NRXN1: variants seen among roughly 807,000 people sequenced by gnomAD.
NRXN1 encodes neurexin-1.
NRXN1 carries 39 observed loss-of-function variants against 150.9 expected under a neutral mutation model. The observed-to-expected ratio is 0.26, with a 90% confidence interval of 0.20 to 0.34. The LOEUF is 0.34. NRXN1 is among the 10% of genes least tolerant of loss of function. The pLI, the probability that NRXN1 is intolerant of heterozygous loss-of-function variation, is 1.00. For missense variants in NRXN1, 1,815 were observed against 1,949.9 expected, an observed-to-expected ratio of 0.93 and a Z score of 1.30; for synonymous variants, 924 against 757.0, an observed-to-expected ratio of 1.22 and a Z score of -3.62.
At chr2:50,381,037 T>G (rs2080921011) in intron 17 of NRXN1, among the ~76,000 whole-genome samples, 1 of 152,126 alleles carries the variant, frequency 6.6e-6, no homozygotes, top group Non-Finnish European at 1.5e-5. Context: ...ACCCACTGGA[T>G]AGTGTGCTTT....
chr2:50,247,467 T>G (rs1456729547), intron 17 of NRXN1, among the ~76,000 whole-genome samples: 1 of 152,158 alleles, frequency 6.6e-6, no homozygotes, highest in African/African-American at 2.4e-5. Flanking sequence ...TAATGAGACA[T>G]ATCAAATTCA....
intron 8 of NRXN1, among the ~76,000 whole-genome samples, chr2:50,557,035 C>T (rs1015155703): frequency 4.6e-5 from 7 of 152,152 alleles, no homozygotes; most frequent in East Asian, 1.9e-4. Flanking sequence ...TCTCTACTTT[C>T]AGATACACTG....
chr2:49,953,400 C>T (rs140396232), intron 21 of NRXN1, among the ~76,000 whole-genome samples: 1 of 152,130 alleles, frequency 6.6e-6, no homozygotes, highest in Non-Finnish European at 1.5e-5. Flanking sequence ...CTAAGAGGAT[C>T]CAGTGTCTTC....
At chr2:50,884,701 T>C (rs895371319) in intron 5 of NRXN1, among the ~76,000 whole-genome samples, 2 of 151,636 alleles carry the variant, frequency 1.3e-5, no homozygotes, top group African/African-American at 2.4e-5. Flanking sequence ...TATGATAGTT[T>C]GAAACTCACT....
chr2:50,515,324 G>A (rs2092597014), intron 12 of NRXN1, among the ~76,000 whole-genome samples: 1 of 152,074 alleles, frequency 6.6e-6, no homozygotes, highest in African/African-American at 2.4e-5. Flanking sequence ...CTACCTTATG[G>A]TGAGATGTAT....
chr2:50,793,896 G>A (rs1366446937), intron 5 of NRXN1, among the ~76,000 whole-genome samples: 1 of 152,034 alleles, frequency 6.6e-6, no homozygotes. Context: ...ATATTTCAAT[G>A]AGAGACAGCA....
intron 5 of NRXN1, among the ~76,000 whole-genome samples, chr2:50,713,245 C>G (rs981212293): frequency 2.6e-5 from 4 of 151,054 alleles, no homozygotes; most frequent in Admixed American, 2.6e-4. Context: ...ACCTGGGAAG[C>G]AGAGGTTGCA....
At chr2:50,075,190 A>G (rs1558822576) in intron 19 of NRXN1, among the ~76,000 whole-genome samples, 1 of 152,246 alleles carries the variant, frequency 6.6e-6, no homozygotes, top group Non-Finnish European at 1.5e-5. Flanking sequence ...TTTGAACCCT[A>G]TTATACACCT....
At position 50,557,274 on chromosome 2, in the gene NRXN1, T is replaced by A. The variant is rs1369990152; in HGVS notation, c.1321-4249A>T. On this transcript the variant is annotated intron_variant, in intron 8 of 22. Coordinates refer to ENST00000401669, the MANE Select transcript of NRXN1 (RefSeq NM_001330078.2). ...ATGTGCTTCAGCTTGGAAATTACAA[T>A]GGGGGTCTTAACTTCACTAACATGC... 2.6e-5 allele frequency among the ~76,000 whole-genome samples: 4 copies of A among 152,162 alleles called. No homozygotes were observed. In the South Asian group the frequency reaches 6.2e-4, roughly 24 times the overall value.
At chr2:49,967,057 G>A (rs1309364538) in intron 21 of NRXN1, among the ~76,000 whole-genome samples, 3 of 152,186 alleles carry the variant, frequency 2.0e-5, no homozygotes, top group African/African-American at 4.8e-5. Context: ...GCAATTGATC[G>A]AACCCAGTGA....
intron 2 of NRXN1, among the ~76,000 whole-genome samples, chr2:50,988,903 G>A (rs1042758271): frequency 5.3e-5 from 8 of 151,898 alleles, no homozygotes; most frequent in African/African-American, 1.9e-4. Flanking sequence ...GAGATCAAGT[G>A]AGATCACGGA....
At chr2:50,193,101 T>C (rs1473931950) in intron 18 of NRXN1, among the ~76,000 whole-genome samples, 3 of 152,186 alleles carry the variant, frequency 2.0e-5, no homozygotes, top group Non-Finnish European at 4.4e-5. Flanking sequence ...CACAATAGTA[T>C]TGCATTCCTT....
At chr2:50,373,159 G>A (rs1036347310) in intron 17 of NRXN1, among the ~76,000 whole-genome samples, 2 of 151,862 alleles carry the variant, frequency 1.3e-5, no homozygotes, top group Non-Finnish European at 2.9e-5. Flanking sequence ...TCTCCTCTAT[G>A]AGAGCCTCCT....
intron 5 of NRXN1, among the ~76,000 whole-genome samples, chr2:50,721,546 C>G (rs1696657467): frequency 6.6e-6 from 1 of 152,090 alleles, no homozygotes; most frequent in Non-Finnish European, 1.5e-5. Context: ...TCCTTTGTGC[C>G]TGACAGACAG....
chr2:50,711,006 G>A (rs1695065026), intron 5 of NRXN1, among the ~76,000 whole-genome samples: 1 of 152,124 alleles, frequency 6.6e-6, no homozygotes, highest in South Asian at 2.1e-4. Context: ...TGACTCTTCT[G>A]AACATTGGAA....
chr2:50,263,316 A>G (rs1308415258), intron 17 of NRXN1, among the ~76,000 whole-genome samples: 3 of 151,968 alleles, frequency 2.0e-5, no homozygotes, highest in East Asian at 1.9e-4. Flanking sequence ...TAACTGTCCC[A>G]TACTGAAGCA....
At chr2:50,705,815 G>A (rs1694351153) in intron 5 of NRXN1, among the ~76,000 whole-genome samples, 1 of 152,102 alleles carries the variant, frequency 6.6e-6, no homozygotes, top group Admixed American at 6.6e-5. Flanking sequence ...TTGCCCTTAT[G>A]TTGATTGGCC....
At chr2:50,499,377 A>C (rs1057162729) in intron 13 of NRXN1, among the ~76,000 whole-genome samples, 2 of 152,014 alleles carry the variant, frequency 1.3e-5, no homozygotes, top group Non-Finnish European at 2.9e-5. Context: ...TGTCACCATA[A>C]ATAATTGTTT....
chr2:49,992,574 A>G (rs1271229701), intron 21 of NRXN1, among the ~76,000 whole-genome samples: 1 of 152,052 alleles, frequency 6.6e-6, no homozygotes, highest in Non-Finnish European at 1.5e-5. Context: ...AAAAACAAAA[A>G]CAAACAAAAC....
Sources: gnomAD v4.1 joint callset for allele counts (sites outside exome capture counted in the v4.1 genomes callset) on GRCh38, gnomAD v4.1.1 for gene constraint, MANE v1.5 for transcripts, NCBI Gene and HGNC (gene_info 2026-07-23, HGNC 2026-07-21) for gene names.